UBE4B: variants seen among roughly 807,000 people sequenced by gnomAD.
UBE4B encodes the protein ubiquitin conjugation factor E4 B.
UBE4B carries 27 observed loss-of-function variants against 148.1 expected under a neutral mutation model. The ratio of observed to expected loss-of-function variants is 0.18; its 90% CI spans 0.13 to 0.25. The LOEUF (loss-of-function observed/expected upper bound fraction) is 0.25. Among genes scored for constraint, UBE4B ranks in the 10% least tolerant of loss-of-function variants. The pLI is 1.00. For missense variants in UBE4B, 1,170 were observed against 1,662.4 expected, an observed-to-expected ratio of 0.70 and a Z score of 5.15; for synonymous variants, 596 against 619.3, an observed-to-expected ratio of 0.96 and a Z score of 0.56.
chr1:10,118,047 A>G (rs1645343248), intron 8 of UBE4B, among the ~76,000 whole-genome samples: 1 of 152,190 alleles, frequency 6.6e-6, no homozygotes, highest in East Asian at 1.9e-4. Context: ...TTTTCAACGT[A>G]TGACTAAGCA....
intron 21 of UBE4B, among the ~76,000 whole-genome samples, chr1:10,151,896 A>G (rs1040400282): frequency 6.6e-6 from 1 of 152,066 alleles, no homozygotes; most frequent in African/African-American, 2.4e-5. Flanking sequence ...AACTTACAGC[A>G]TTTGTTTTTT....
Position 10,168,378 on chromosome 1 carries a change from C to A in UBE4B, c.3333+108C>A. ...GTTCTGGAAATTTTAGGATCACAGT[C>A]ATCAATAAGTGAAATTCTGTGACTG... On this transcript the variant is annotated intron_variant, in intron 24 of 27. Transcript: ENST00000343090. The surrounding 1 kb of genome is among the most constrained non-coding windows in gnomAD (Gnocchi z 4.9). 2 of 1,453,496 alleles carry A rather than the reference C, an allele frequency of 1.4e-6. No individual in the cohort carries two copies. Among genetic ancestry groups the A allele is most frequent in the Non-Finnish European group, 1.8e-6 (2 of 1,086,936 alleles). The allele number at this position is 1,453,496 out of a possible 1,614,324, so 90.0% of individuals were successfully genotyped here. A position where few individuals can be genotyped will look rare whatever the true frequency, so the allele number is the denominator to read the frequency against.
rs576908985 is a variant in UBE4B at position 10,136,387 on chromosome 1, C to G, written c.2225-680C>G. 2.0e-5 allele frequency among the ~76,000 whole-genome samples: 3 copies of G among 151,480 alleles called. No individual in the cohort carries two copies. The East Asian group carries it at 5.9e-4, about 30-fold the overall frequency. ...CAGGAGACTGAGGCAGGAGGATTGC[C>G]TGAGCCCAGGAAATTGAGGCTGCAG... On this transcript the variant is annotated intron_variant, in intron 16 of 27. Coordinates refer to ENST00000343090, the MANE Select transcript of UBE4B (RefSeq NM_001105562.3).
At chr1:10,101,798 C>T (rs757114010) in intron 4 of UBE4B, among the ~76,000 whole-genome samples, 15 of 152,112 alleles carry the variant, frequency 9.9e-5, no homozygotes, top group Admixed American at 3.3e-4. Context: ...TGAGCCACTG[C>T]GCCTGGCCTG....
At chr1:10,174,286 C>T (rs544523572) in intron 25 of UBE4B, among the ~76,000 whole-genome samples, 2 of 150,724 alleles carry the variant, frequency 1.3e-5, no homozygotes, top group African/African-American at 2.4e-5. Flanking sequence ...TCCAGCTACT[C>T]GGAGGCTGAG....
At chr1:10,093,342 G>A (rs1189969676) in intron 2 of UBE4B, among the ~76,000 whole-genome samples, 1 of 152,062 alleles carries the variant, frequency 6.6e-6, no homozygotes, top group Non-Finnish European at 1.5e-5. Flanking sequence ...CTTACTTTGG[G>A]TTATATTTCC....
chr1:10,042,273 C>T (rs1312062447), intron 1 of UBE4B, among the ~76,000 whole-genome samples: 2 of 152,184 alleles, frequency 1.3e-5, no homozygotes, highest in South Asian at 2.1e-4. Context: ...CATTCAACAG[C>T]GCTTACAGTT....
intron 19 of UBE4B, among the ~76,000 whole-genome samples, chr1:10,147,883 T>C (rs1645900352): frequency 1.3e-5 from 2 of 152,186 alleles, no homozygotes; most frequent in Non-Finnish European, 2.9e-5. Context: ...GGTTCACTGA[T>C]GTTGGTGAGA....
chr1:10,073,682 T>G (rs1193607260), intron 2 of UBE4B, among the ~76,000 whole-genome samples: 1 of 152,118 alleles, frequency 6.6e-6, no homozygotes, highest in Non-Finnish European at 1.5e-5. Flanking sequence ...ATTGCGCTAC[T>G]GCACTCCAAC....
intron 21 of UBE4B, among the ~76,000 whole-genome samples, chr1:10,153,490 TAAA>T (rs1045427991): frequency 0.032 from 1,549 of 49,146 alleles, 19 homozygotes; most frequent in Non-Finnish European, 0.047. Context: ...ACCCTGTTTC[TAAA>T]AAAAAAAAAA....
chr1:10,053,143 T>C (rs1644085419), intron 1 of UBE4B, among the ~76,000 whole-genome samples: 1 of 151,896 alleles, frequency 6.6e-6, no homozygotes, highest in African/African-American at 2.4e-5. Context: ...ATGGCTTTTA[T>C]TTATTTATTT....
At chr1:10,179,132 C>T (rs1371274109) in intron 26 of UBE4B, 2 of 483,274 alleles carry the variant, frequency 4.1e-6, no homozygotes, top group East Asian at 3.5e-5. Flanking sequence ...TCCAGCCTGC[C>T]GTCCTCGCCA....
chr1:10,134,031 C>T (rs1425056118), intron 15 of UBE4B, among the ~76,000 whole-genome samples: 1 of 147,790 alleles, frequency 6.8e-6, no homozygotes, highest in African/African-American at 2.5e-5. Context: ...GCCTGGGCAA[C>T]AGAGTAAAAC....
At chr1:10,130,904 G>T in intron 14 of UBE4B, 91 bp downstream of exon 14, 1 of 1,138,686 alleles carries the variant, frequency 8.8e-7, no homozygotes, top group Non-Finnish European at 1.3e-6. Flanking sequence ...ATGCCCAGTA[G>T]ACAAACGGCT....
intron 17 of UBE4B, among the ~76,000 whole-genome samples, chr1:10,143,704 C>T (rs1250630733): frequency 5.3e-5 from 8 of 152,244 alleles, no homozygotes; most frequent in South Asian, 4.1e-4. Flanking sequence ...CAGTTGTAGA[C>T]GAAAGAATCC....
chr1:10,143,699 G>A (rs1019903668), intron 17 of UBE4B, among the ~76,000 whole-genome samples: 11 of 152,190 alleles, frequency 7.2e-5, no homozygotes, highest in African/African-American at 2.2e-4. Context: ...TGTTTCAGTT[G>A]TAGACGAAAG....
intron 2 of UBE4B, among the ~76,000 whole-genome samples, chr1:10,076,149 T>C (rs543029581): frequency 6.6e-6 from 1 of 152,282 alleles, no homozygotes; most frequent in East Asian, 1.9e-4. Flanking sequence ...TCTGTGGTCC[T>C]GGAAGTTAGA....
At chr1:10,162,197 G>A (rs1056970093) in intron 23 of UBE4B, among the ~76,000 whole-genome samples, 4 of 151,722 alleles carry the variant, frequency 2.6e-5, no homozygotes, top group African/African-American at 4.8e-5. Flanking sequence ...TTTTTGAGAC[G>A]GAGTCTTGCT....
chr1:10,170,308 A>T (rs1477693485), intron 24 of UBE4B, among the ~76,000 whole-genome samples: 1 of 152,228 alleles, frequency 6.6e-6, no homozygotes, highest in Non-Finnish European at 1.5e-5. Context: ...CTCAACAGTG[A>T]AATACAGGAG....
Sources: allele counts gnomAD v4.1 joint callset (sites outside exome capture counted in the v4.1 genomes callset), GRCh38; gene constraint gnomAD v4.1.1; non-coding constraint Gnocchi (gnomAD v3.1); transcripts MANE v1.5; gene names NCBI Gene and HGNC (gene_info 2026-07-23, HGNC 2026-07-21).